AKAP9: variants seen among roughly 807,000 people sequenced by gnomAD.
The protein encoded by AKAP9 is A-kinase anchoring protein 9.
A neutral mutation model predicts 488.5 loss-of-function variants in AKAP9; 311 were observed. The ratio of observed to expected loss-of-function variants is 0.64; its 90% confidence interval spans 0.58 to 0.70. The LOEUF is 0.70. AKAP9 is among the 30% of genes least tolerant of loss of function. The pLI is 0.00. For missense variants in AKAP9, 4,215 were observed against 4,374.5 expected (o/e 0.96, Z 1.03); for synonymous variants, 1,462 against 1,483.5 (o/e 0.99, Z 0.33).
rs757310407 is a variant in AKAP9, at chr7:92,000,838, T to G, written c.931-10T>G. 1.7e-5 allele frequency: 22 copies of G among 1,326,454 alleles called. No individual in the cohort carries two copies. In the African/African-American group the frequency reaches 2.9e-4, roughly 17 times the overall value. The allele number at this position is 1,326,454 out of a possible 1,614,324, so 82.2% of individuals were successfully genotyped here. A position where few individuals can be genotyped will look rare whatever the true frequency, so the allele number is the denominator to read the frequency against. ...ATGCCATTCTTACATTTTCATTTTT[T>G]TTCCTAAAGGAACAAGATAAAAAAG... is the stretch of plus-strand genomic sequence containing the variant. On this transcript the variant is annotated splice_polypyrimidine_tract_variant and intron_variant, in intron 7 of 49. Coordinates refer to ENST00000356239, the MANE Select transcript of AKAP9 (RefSeq NM_005751.5).
intron 7 of AKAP9, among the ~76,000 whole-genome samples, chr7:91,996,248 C>A (rs982788635): frequency 2.0e-5 from 3 of 151,964 alleles, no homozygotes; most frequent in African/African-American, 7.3e-5. Flanking sequence ...CAAATAAGTT[C>A]TCTGGTGGGG....
chr7:92,105,383 A>G (rs1321007370), intron 46 of AKAP9, among the ~76,000 whole-genome samples: 1 of 151,548 alleles, frequency 6.6e-6, no homozygotes, highest in Admixed American at 6.6e-5. Context: ...TGCTTTTCCC[A>G]TCTACTTTTG....
At position 92,052,893 on chromosome 7, in the gene AKAP9, A is replaced by T; in HGVS notation, c.5536A>T (p.Ile1846Phe). 6.2e-7 allele frequency: 1 copy of T among 1,613,874 alleles called. No individual in the cohort carries two copies. Among genetic ancestry groups the T allele is most frequent in the Non-Finnish European group, 8.5e-7 (1 of 1,179,854 alleles). The change falls in exon 22 of 50, where the codon ATT (isoleucine) becomes TTT (phenylalanine). Residue 1846 changes from isoleucine to phenylalanine, a missense_variant. Ile to Phe is a conservative substitution (Grantham distance 21). Coordinates refer to ENST00000356239, the MANE Select transcript of AKAP9 (RefSeq NM_005751.5). ...TGAAAATGAAGAACTTATGCTGAAC[A>T]TTAGCTCTCGACTACAAGCAGCAGT... Reference protein sequence around the residue: ...DPENEELMLNISSRLQAAVEK... With the variant: ...DPENEELMLNFSSRLQAAVEK...
At chr7:91,975,213 A>T (rs1795505184) in intron 2 of AKAP9, among the ~76,000 whole-genome samples, 1 of 152,088 alleles carries the variant, frequency 6.6e-6, no homozygotes, top group Non-Finnish European at 1.5e-5. Context: ...CTTTGTGTCC[A>T]GGCTGGTCTC....
Position 92,077,864 on chromosome 7 carries a change from A to G in AKAP9, c.6934A>G (p.Thr2312Ala), listed in dbSNP as rs1357279777. ...ACTCCAGCAGCAACTTAAAATTACA[A>G]CAGATAACAAGGTATACTCATTTAA... ...TKLQQQLKIT[T>A]DNKVIEEKNE... The change falls in exon 30 of 50, where the codon ACA (threonine) becomes GCA (alanine). Residue 2312 changes from threonine to alanine, a missense_variant. Thr to Ala is a moderately conservative substitution (Grantham distance 58, BLOSUM62 0). Transcript: ENST00000356239. 6.2e-7 allele frequency: 1 copy of G among 1,611,798 alleles called. No individual in the cohort carries two copies.
At chr7:92,107,521 T>C in intron 48 of AKAP9, 99 bp downstream of exon 48, 1 of 1,178,354 alleles carries the variant, frequency 8.5e-7, no homozygotes, top group East Asian at 2.4e-5. Flanking sequence ...TGCATTGAGA[T>C]AGACATCTTT....
At position 92,022,849 on chromosome 7, in the gene AKAP9, G is replaced by C; in HGVS notation, c.3988G>C (p.Asp1330His). ...TAAAAGCAAGTTATCTTCTCTGCAAGATCTTGAAAAAACTAAACTTGAAGA... is the reference window on the plus strand; with the variant it reads ...TAAAAGCAAGTTATCTTCTCTGCAACATCTTGAAAAAACTAAACTTGAAGA... ...NHKSKLSSLQ[D>H]LEKTKLEEQV... Residue 1330 changes from aspartate (D) to histidine (H), a missense_variant, in exon 14 of 50, where the codon GAT (aspartate) becomes CAT (histidine). Asp to His is a moderately conservative substitution (Grantham distance 81). This residue lies in a region of AKAP9 where 2,361 missense variants were observed against 2,430.0 expected (regional missense o/e 0.97). Coordinates refer to ENST00000356239, the MANE Select transcript of AKAP9 (RefSeq NM_005751.5). The C allele has an allele frequency of 6.3e-7, 1 of 1,588,400 alleles. No homozygotes were observed. The highest frequency in any genetic ancestry group is 8.6e-7 in the Non-Finnish European group (1 of 1,168,532).
At chr7:91,979,488 T>C (rs758420451) in intron 2 of AKAP9, among the ~76,000 whole-genome samples, 14 of 152,164 alleles carry the variant, frequency 9.2e-5, no homozygotes, top group Non-Finnish European at 1.9e-4. Context: ...AGATGAGATT[T>C]GGATGGGGGA....
At chr7:92,055,751 T>C (rs1233810473) in intron 22 of AKAP9, among the ~76,000 whole-genome samples, 1 of 152,078 alleles carries the variant, frequency 6.6e-6, no homozygotes, top group Non-Finnish European at 1.5e-5. Flanking sequence ...AGAATATAAT[T>C]TGAATTATTC....
intron 35 of AKAP9, 82 bp downstream of exon 35, chr7:92,085,022 G>A (rs1430055654): frequency 2.0e-6 from 3 of 1,501,166 alleles, no homozygotes; most frequent in Non-Finnish European, 2.8e-6. Context: ...AAGTTATATG[G>A]TGGGATCATT....
chr7:91,966,282 A>G (rs6965864), intron 1 of AKAP9, among the ~76,000 whole-genome samples: 86,693 of 151,964 alleles, frequency 0.57, 26,019 homozygotes, highest in African/African-American at 0.77. Context: ...TCCCCAGACC[A>G]ATGTCCTAGA....
chr7:91,964,028 T>A (rs1198613981), intron 1 of AKAP9, among the ~76,000 whole-genome samples: 3 of 152,086 alleles, frequency 2.0e-5, no homozygotes, highest in South Asian at 2.1e-4. Context: ...TCAAATTCAA[T>A]TTAGGAATAG....
intron 46 of AKAP9, among the ~76,000 whole-genome samples, chr7:92,103,498 A>G (rs866496042): frequency 2.6e-5 from 4 of 151,270 alleles, no homozygotes; most frequent in Non-Finnish European, 4.4e-5. Context: ...GATTGAGACC[A>G]TCCTGGCTAT....
intron 28 of AKAP9, among the ~76,000 whole-genome samples, chr7:92,073,340 CA>C (rs397713211): frequency 1.6e-3 from 209 of 127,050 alleles, no homozygotes; most frequent in Admixed American, 2.3e-3. Context: ...ACTAAAAATA[CA>C]AAAAAAAAAA....
At chr7:92,063,883 C>T (rs972955657) in intron 24 of AKAP9, among the ~76,000 whole-genome samples, 2 of 152,012 alleles carry the variant, frequency 1.3e-5, no homozygotes, top group South Asian at 2.1e-4. Context: ...TGGGTTCAAG[C>T]GATTCTTCCA....
In AKAP9 at chr7:92,102,627, T is replaced by C. The variant is rs759465942; in HGVS notation, c.11131T>C (p.Phe3711Leu). Residue 3711 changes from phenylalanine (F) to leucine (L), a missense_variant, in exon 46 of 50, where the codon TTT becomes CTT. Coordinates refer to ENST00000356239, the MANE Select transcript of AKAP9 (RefSeq NM_005751.5). ...IYGKYLRAES[F>L]RKALIYQKKY... ...TGGTAAATACTTGAGGGCAGAAAGT[T>C]TTCGAAAGGCTCTCATTTACCAGAA... The C allele has an allele frequency of 1.2e-6, 2 of 1,614,202 alleles. No individual in the cohort carries two copies. The highest frequency in any genetic ancestry group is 2.2e-5 in the South Asian group (2 of 91,084).
rs199744254 is a variant in AKAP9 at position 92,082,645 on chromosome 7, C to T, written c.8143C>T (p.Leu2715Phe). The stretch of plus-strand genomic sequence containing the variant: ...CAGTTATAAAGAAAAGGCTGAAAAA[C>T]TTCAAGAAGAGCTTTTGGTAAGATA... ...LASYKEKAEKLQEELLVKETN... is the reference protein window; with the variant it reads ...LASYKEKAEKFQEELLVKETN... The change falls in exon 32 of 50, where the codon CTT becomes TTT. Residue 2715 changes from leucine to phenylalanine, a missense_variant. Leu to Phe is a conservative substitution (Grantham distance 22). This residue lies in a region of AKAP9 where 1,476 missense variants were observed against 1,477.4 expected (regional missense o/e 1.00). Transcript: ENST00000356239. The T allele has an allele frequency of 1.4e-5, 23 of 1,613,954 alleles. No homozygotes were observed. The highest frequency in any genetic ancestry group is 1.1e-4 in the East Asian group (5 of 44,826).
intron 20 of AKAP9, 54 bp from the exon 21 acceptor site, chr7:92,044,954 G>A: frequency 2.2e-6 from 3 of 1,394,704 alleles, no homozygotes; most frequent in Non-Finnish European, 3.1e-6. Flanking sequence ...CATAAGCAAA[G>A]TGTTTGCTTC....
At chr7:91,982,035 A>G (rs1348292747) in intron 3 of AKAP9, among the ~76,000 whole-genome samples, 2 of 152,180 alleles carry the variant, frequency 1.3e-5, no homozygotes, top group East Asian at 3.8e-4. Flanking sequence ...TTAATATGCT[A>G]GTGGCTGTAG....
Sources: gnomAD v4.1 joint callset for allele counts (sites outside exome capture counted in the v4.1 genomes callset) on GRCh38, gnomAD v4.1.1 for gene constraint, gnomAD v4.1.1 regional missense constraint, MANE v1.5 for transcripts, NCBI Gene and HGNC (gene_info 2026-07-23, HGNC 2026-07-21) for gene names.